The following PMM2 variants were observed in gnomAD, a reference collection of about 807,000 sequenced individuals.
PMM2 encodes the protein mannose-6-phosphate isomerase.
Under a neutral mutation model 33.2 loss-of-function variants are expected in PMM2, and 35 were observed. The ratio of observed to expected loss-of-function variants is 1.06; its 90% confidence interval spans 0.81 to 1.40. The LOEUF is 1.40. PMM2 is among the 40% of genes most tolerant of loss of function. The pLI is 0.00. For synonymous variants in PMM2, 153 were observed against 114.7 expected, an observed-to-expected ratio of 1.33 and a Z score of -2.13; for missense variants, 386 against 306.0, an observed-to-expected ratio of 1.26 and a Z score of -1.95.
At chr16:8,800,665 C>CTTTTTTTTTTTTTTTT (rs35148703) in intron 1 of PMM2, among the ~76,000 whole-genome samples, 7 of 126,640 alleles carry the variant, frequency 5.5e-5, no homozygotes, top group Admixed American at 7.8e-5. Flanking sequence ...TAAGCTTCTC[C>CTTTTTTTTTTTTTTTT]TTTTTTTTTT....
At chr16:8,828,131 A>C (rs1035293972) in intron 7 of PMM2, among the ~76,000 whole-genome samples, 5 of 147,638 alleles carry the variant, frequency 3.4e-5, no homozygotes, top group African/African-American at 1.0e-4. Flanking sequence ...TACCACAGGT[A>C]ACCTCCTAGC....
intron 7 of PMM2, among the ~76,000 whole-genome samples, chr16:8,837,345 G>T (rs2060856683): frequency 6.6e-6 from 1 of 151,946 alleles, no homozygotes; most frequent in South Asian, 2.1e-4. Flanking sequence ...GTTTGTATTG[G>T]GGTCAAGTGG....
intron 7 of PMM2, among the ~76,000 whole-genome samples, chr16:8,828,354 A>T (rs532826351): frequency 6.6e-6 from 1 of 152,132 alleles, no homozygotes; most frequent in Admixed American, 6.5e-5. Flanking sequence ...AAACTTACAT[A>T]AATAACAAAC....
chr16:8,804,728 T>G, intron 2 of PMM2, 39 bp from the exon 3 acceptor site: 1 of 1,409,610 alleles, frequency 7.1e-7, no homozygotes. Flanking sequence ...CAGGTTTTGA[T>G]TCTTTGCATT....
intron 7 of PMM2, among the ~76,000 whole-genome samples, chr16:8,841,040 C>T (rs1293321154): frequency 1.3e-5 from 2 of 152,028 alleles, no homozygotes; most frequent in Non-Finnish European, 2.9e-5. Context: ...TGTAGCATCT[C>T]GAGAACAGGC....
chr16:8,840,284 G>A (rs2060881442), intron 7 of PMM2, among the ~76,000 whole-genome samples: 1 of 151,884 alleles, frequency 6.6e-6, no homozygotes, highest in Non-Finnish European at 1.5e-5. Flanking sequence ...AATATTGGAG[G>A]GTGCCTTGCC....
At chr16:8,832,171 A>T (rs1220597914) in intron 7 of PMM2, 1 of 985,298 alleles carries the variant, frequency 1.0e-6, no homozygotes, top group Non-Finnish European at 1.2e-6. Flanking sequence ...GCACCCCAGG[A>T]AGGAGCCCAC....
intron 7 of PMM2, among the ~76,000 whole-genome samples, chr16:8,817,478 C>T (rs1367494386): frequency 6.6e-6 from 1 of 152,200 alleles, no homozygotes; most frequent in Non-Finnish European, 1.5e-5. Flanking sequence ...GACATTCTTG[C>T]TTCATGTAAA....
intron 7 of PMM2, among the ~76,000 whole-genome samples, chr16:8,819,513 C>T (rs972608618): frequency 6.6e-6 from 1 of 151,880 alleles, no homozygotes; most frequent in Non-Finnish European, 1.5e-5. Context: ...TATGAATGTG[C>T]TATCTATTGA....
chr16:8,842,818 G>A lies in PMM2; in HGVS notation c.640-4906G>A, dbSNP rs190201245. Among the ~76,000 whole-genome samples the A allele has an allele frequency of 2.3e-3, 356 of 152,276 alleles. 3 individuals are homozygous for A. The highest frequency in any genetic ancestry group is 7.3e-3 in the East Asian group (38 of 5,186). Reference sequence around the variant, plus strand: ...TAACAGGCTTTAATCCTTTTAAAGCGTGCTGTGGGATGGGATATTGGCGTT... The same window carrying A: ...TAACAGGCTTTAATCCTTTTAAAGCATGCTGTGGGATGGGATATTGGCGTT... On this transcript the variant is annotated intron_variant, in intron 7 of 7. Coordinates refer to ENST00000268261, the MANE Select transcript of PMM2 (RefSeq NM_000303.3).
rs2060673239 is a variant in PMM2, at chr16:8,810,837, T to C, written c.348-242T>C. The C allele has an allele frequency of 5.4e-6, 3 of 557,074 alleles. No homozygotes were observed. In the South Asian group the frequency reaches 6.1e-5, roughly 11 times the overall value. The allele number at this position is 557,074 out of a possible 1,614,324, so 34.5% of individuals were successfully genotyped here. ...CAAAGTCAATATACAACATGATTGA[T>C]GCAATTACATTCCTTTTTCATACTA... On this transcript the variant is annotated intron_variant, in intron 4 of 7. Transcript: ENST00000268261.
chr16:8,810,357 T>A (rs4985039), intron 4 of PMM2: 132,130 of 151,826 alleles, frequency 0.87, 58,207 homozygotes, highest in East Asian at 0.97. Context: ...CAAACTCTTC[T>A]AGGAAATGAC....
chr16:8,846,523 C>T (rs1321277199), intron 7 of PMM2, among the ~76,000 whole-genome samples: 3 of 152,106 alleles, frequency 2.0e-5, no homozygotes, highest in Non-Finnish European at 4.4e-5. Context: ...GATTCATTAA[C>T]GTGAGCCCAG....
At chr16:8,836,973 T>A (rs557786757) in intron 7 of PMM2, among the ~76,000 whole-genome samples, 10 of 152,052 alleles carry the variant, frequency 6.6e-5, no homozygotes, top group East Asian at 5.8e-4. Context: ...TGTAAGCTGG[T>A]CCAGGTGTGA....
intron 7 of PMM2, chr16:8,832,582 G>T (rs756383354): frequency 7.9e-5 from 78 of 985,228 alleles, no homozygotes; most frequent in Non-Finnish European, 9.0e-5. Context: ...TGCTTCAGGG[G>T]TCTCTTCCCA....
At chr16:8,805,652 G>T (rs777667262) in intron 3 of PMM2, among the ~76,000 whole-genome samples, 3 of 151,772 alleles carry the variant, frequency 2.0e-5, no homozygotes, top group Non-Finnish European at 2.9e-5. Context: ...GAGTGCAGTG[G>T]CTCAATCCTG....
chr16:8,813,246 GGT>G lies in PMM2; in HGVS notation c.639+142_639+143del. On this transcript the variant is annotated intron_variant, in intron 7 of 7. Coordinates refer to ENST00000268261, the MANE Select transcript of PMM2 (RefSeq NM_000303.3). ...TGAGCAGTGGCTTCTGTCCTGGAGA[GGT>G]GGGTGATTGAGCCACCTTCCCCTCT... 4.2e-6 allele frequency: 3 copies of G among 722,658 alleles called. No homozygotes were observed. In the South Asian group the frequency reaches 4.4e-5, roughly 11 times the overall value. 44.8% of individuals were successfully genotyped at this position (722,658 alleles called of 1,614,324 possible).
At chr16:8,846,891 T>C (rs911530117) in intron 7 of PMM2, among the ~76,000 whole-genome samples, 1 of 151,914 alleles carries the variant, frequency 6.6e-6, no homozygotes, top group Admixed American at 6.6e-5. Flanking sequence ...TAAGATAGAG[T>C]CTCCCTTTGT....
At chr16:8,801,978 A>G in intron 2 of PMM2, 68 bp downstream of exon 2, 2 of 1,109,454 alleles carry the variant, frequency 1.8e-6, no homozygotes, top group Non-Finnish European at 1.4e-6. Context: ...GTTGCCAAGT[A>G]TCATAGGCTG....
Sources: allele counts gnomAD v4.1 joint callset (sites outside exome capture counted in the v4.1 genomes callset), GRCh38; gene constraint gnomAD v4.1.1; transcripts MANE v1.5; gene names NCBI Gene and HGNC (gene_info 2026-07-23, HGNC 2026-07-21).